SYN3: variants seen among roughly 807,000 people sequenced by gnomAD.
The protein encoded by SYN3 is synapsin III, also known as synapsin-3.
SYN3 carries 35 observed loss-of-function variants against 65.8 expected under a neutral mutation model. The ratio of observed to expected loss-of-function variants is 0.53; its 90% CI spans 0.41 to 0.70. The LOEUF (loss-of-function observed/expected upper bound fraction) is 0.70, where lower values mean the gene tolerates loss of function less well. Ranked by LOEUF, SYN3 falls within the 30% of genes least tolerant of loss-of-function variation. The pLI, the probability that SYN3 is intolerant of heterozygous loss-of-function variation, is 0.00. For missense variants in SYN3, 680 were observed against 749.0 expected (o/e 0.91, Z 1.08); for synonymous variants, 270 against 292.9 (o/e 0.92, Z 0.80).
intron 6 of SYN3, among the ~76,000 whole-genome samples, chr22:32,711,681 C>T (rs995648018): frequency 2.6e-5 from 4 of 152,198 alleles, no homozygotes; most frequent in African/African-American, 9.7e-5. Context: ...AATCTCAATT[C>T]CTTGCAAGCC....
chr22:32,557,494 T>C (rs533750847), intron 7 of SYN3, among the ~76,000 whole-genome samples: 1 of 152,372 alleles, frequency 6.6e-6, no homozygotes, highest in Non-Finnish European at 1.5e-5. Flanking sequence ...GCATTAACTA[T>C]GTGCCAGCAA....
At chr22:32,618,982 TAGAG>T (rs1173524244) in intron 6 of SYN3, among the ~76,000 whole-genome samples, 1 of 152,196 alleles carries the variant, frequency 6.6e-6, no homozygotes, top group African/African-American at 2.4e-5. Context: ...TGCAAAATAA[TAGAG>T]AGGACTCTAA....
At chr22:32,722,352 C>T (rs998883627) in intron 6 of SYN3, among the ~76,000 whole-genome samples, 2 of 151,890 alleles carry the variant, frequency 1.3e-5, no homozygotes, top group African/African-American at 4.8e-5. Flanking sequence ...ACAGCAGAGT[C>T]GGGAAAAAAT....
intron 6 of SYN3, among the ~76,000 whole-genome samples, chr22:32,710,071 A>T (rs1398284355): frequency 9.8e-6 from 1 of 102,196 alleles, no homozygotes; most frequent in African/African-American, 4.0e-5. Flanking sequence ...GTATATATAT[A>T]TATGCACACA....
chr22:32,953,561 A>C (rs1231098844), intron 3 of SYN3, among the ~76,000 whole-genome samples: 1 of 152,072 alleles, frequency 6.6e-6, no homozygotes, highest in Non-Finnish European at 1.5e-5. Context: ...CAGAGAGACC[A>C]GCAGGTGCAA....
At chr22:32,911,940 G>A (rs946738003) in intron 4 of SYN3, among the ~76,000 whole-genome samples, 1 of 152,114 alleles carries the variant, frequency 6.6e-6, no homozygotes, top group East Asian at 1.9e-4. Flanking sequence ...AGACAGAGCT[G>A]GACTCAAATA....
At chr22:32,732,057 T>C (rs1383010567) in intron 6 of SYN3, among the ~76,000 whole-genome samples, 1 of 152,240 alleles carries the variant, frequency 6.6e-6, no homozygotes, top group Non-Finnish European at 1.5e-5. Context: ...TGCATGCTCA[T>C]TATTATTGCT....
At chr22:32,921,049 T>C (rs2050322958) in intron 4 of SYN3, among the ~76,000 whole-genome samples, 1 of 152,150 alleles carries the variant, frequency 6.6e-6, no homozygotes, top group Admixed American at 6.5e-5. Flanking sequence ...TTTCCTTCTG[T>C]TGTCAGATTC....
rs2049596986 is a variant in SYN3 at position 32,896,482 on chromosome 22, T to G, written c.462-27357A>C. On this transcript the variant is annotated intron_variant, in intron 4 of 13. Transcript: ENST00000358763. Reference sequence around the variant, plus strand: ...AAATATAAAAATAAATAAGGTAAACTTAGCAGCTCATTATCATAAGACATA... The same window carrying G: ...AAATATAAAAATAAATAAGGTAAACGTAGCAGCTCATTATCATAAGACATA... Among the ~76,000 whole-genome samples, 6 of 151,998 alleles carry G rather than the reference T, an allele frequency of 3.9e-5. No individual in the cohort carries two copies. In the South Asian group the frequency reaches 1.2e-3, roughly 32 times the overall value.
At chr22:33,009,737 T>C (rs976096638) in intron 1 of SYN3, among the ~76,000 whole-genome samples, 2 of 144,304 alleles carry the variant, frequency 1.4e-5, no homozygotes, top group Non-Finnish European at 3.0e-5. Context: ...TATCCTTTCA[T>C]ATATACGTAT....
At chr22:32,931,539 G>C in intron 3 of SYN3, 58 bp from the exon 4 acceptor site, 1 of 1,210,804 alleles carries the variant, frequency 8.3e-7, no homozygotes, top group Admixed American at 1.7e-5. Flanking sequence ...GGTAACAACG[G>C]TTAACACATA....
intron 3 of SYN3, among the ~76,000 whole-genome samples, chr22:32,943,585 T>A (rs1277446762): frequency 6.6e-6 from 1 of 152,108 alleles, no homozygotes; most frequent in African/African-American, 2.4e-5. Flanking sequence ...AGGATCAAAT[T>A]CACACATAAC....
intron 6 of SYN3, among the ~76,000 whole-genome samples, chr22:32,768,947 C>G (rs1165352759): frequency 6.6e-6 from 1 of 152,142 alleles, no homozygotes; most frequent in Non-Finnish European, 1.5e-5. Flanking sequence ...TTCCATATAC[C>G]CTGCTTTCCC....
chr22:32,666,942 C>A (rs2147041762), intron 6 of SYN3, among the ~76,000 whole-genome samples: 1 of 152,286 alleles, frequency 6.6e-6, no homozygotes, highest in South Asian at 2.1e-4. Context: ...CCAGCCTCTA[C>A]CTGGAATGTC....
chr22:32,958,308 G>A (rs1252230756), intron 3 of SYN3, among the ~76,000 whole-genome samples: 4 of 152,236 alleles, frequency 2.6e-5, no homozygotes, highest in African/African-American at 9.6e-5. Flanking sequence ...AACAGGATAA[G>A]TGTGTCCGGA....
intron 3 of SYN3, among the ~76,000 whole-genome samples, chr22:32,952,961 T>C (rs760795434): frequency 2.6e-5 from 4 of 152,200 alleles, no homozygotes; most frequent in African/African-American, 7.2e-5. Flanking sequence ...GGTGCCTTCA[T>C]AGGGCAGTTG....
chr22:32,939,653 G>A (rs1415341598), intron 3 of SYN3, among the ~76,000 whole-genome samples: 1 of 152,100 alleles, frequency 6.6e-6, no homozygotes. Context: ...TTTCATATCT[G>A]TGATTCATCC....
chr22:32,685,702 A>C (rs2060580119), intron 6 of SYN3, among the ~76,000 whole-genome samples: 1 of 152,228 alleles, frequency 6.6e-6, no homozygotes, highest in Non-Finnish European at 1.5e-5. Flanking sequence ...TAATGACGAA[A>C]TTGGCTAATG....
At chr22:32,641,871 G>C (rs891508046) in intron 6 of SYN3, among the ~76,000 whole-genome samples, 1 of 152,074 alleles carries the variant, frequency 6.6e-6, no homozygotes, top group African/African-American at 2.4e-5. Flanking sequence ...TGAGAAATTG[G>C]GGGACCTCAT....
Sources: allele counts gnomAD v4.1 joint callset (sites outside exome capture counted in the v4.1 genomes callset), GRCh38; gene constraint gnomAD v4.1.1; transcripts MANE v1.5; gene names NCBI Gene and HGNC (gene_info 2026-07-23, HGNC 2026-07-21).